Variants in ADK observed in about 807,000 individuals in gnomAD.
ADK encodes the protein adenosine kinase.
ADK carries 24 observed loss-of-function variants against 44.7 expected under a neutral mutation model. The observed-to-expected ratio is 0.54, with a 90% confidence interval of 0.39 to 0.76. ADK has a LOEUF of 0.76. ADK is among the 30% of genes least tolerant of loss of function. The probability of loss-of-function intolerance (pLI) is 0.00; values close to 1 mark genes in which losing one functional copy is unlikely to be tolerated. For synonymous variants in ADK, 128 were observed against 142.6 expected (o/e 0.90, Z 0.73); for missense variants, 321 against 425.1 (o/e 0.76, Z 2.15).
chr10:74,265,683 A>G (rs1463678297), intron 3 of ADK, among the ~76,000 whole-genome samples: 1 of 152,238 alleles, frequency 6.6e-6, no homozygotes, highest in African/African-American at 2.4e-5. Context: ...CTTAAAATCT[A>G]ATTTTCACTT....
chr10:74,257,005 A>C (rs1845849067), intron 3 of ADK, among the ~76,000 whole-genome samples: 1 of 152,210 alleles, frequency 6.6e-6, no homozygotes, highest in African/African-American at 2.4e-5. Context: ...TGCAACTAAG[A>C]GTCATTTTGA....
At chr10:74,215,650 T>G (rs1564597809) in intron 2 of ADK, among the ~76,000 whole-genome samples, 1 of 147,064 alleles carries the variant, frequency 6.8e-6, no homozygotes, top group African/African-American at 2.5e-5. Context: ...CTTTATATAA[T>G]ACTGATAAAT....
intron 2 of ADK, among the ~76,000 whole-genome samples, chr10:74,209,858 T>C (rs559459797): frequency 2.8e-4 from 42 of 152,204 alleles, no homozygotes; most frequent in Non-Finnish European, 4.4e-4. Flanking sequence ...TACCTCCAGT[T>C]GAGCCCTGGT....
At chr10:74,323,128 A>G (rs1840875544) in intron 4 of ADK, among the ~76,000 whole-genome samples, 1 of 152,338 alleles carries the variant, frequency 6.6e-6, no homozygotes, top group South Asian at 2.1e-4. Flanking sequence ...AAGAAATACT[A>G]CAAGCAGTGG....
chr10:74,494,319 A>G (rs1268327383), intron 6 of ADK, among the ~76,000 whole-genome samples: 2 of 152,118 alleles, frequency 1.3e-5, no homozygotes, highest in Non-Finnish European at 2.9e-5. Flanking sequence ...TGTCTCTCTT[A>G]TATACATACA....
At chr10:74,654,639 C>T (rs1369264606) in intron 9 of ADK, among the ~76,000 whole-genome samples, 1 of 152,154 alleles carries the variant, frequency 6.6e-6, no homozygotes, top group Admixed American at 6.5e-5. Context: ...GGGGAAACCC[C>T]CGTCTCTACT....
intron 9 of ADK, among the ~76,000 whole-genome samples, chr10:74,609,840 A>T (rs1239152264): frequency 1.3e-5 from 2 of 152,188 alleles, no homozygotes; most frequent in African/African-American, 4.8e-5. Context: ...GTCTTATTTT[A>T]TAAATTTAAT....
At chr10:74,505,561 T>C (rs1848039691) in intron 6 of ADK, among the ~76,000 whole-genome samples, 1 of 150,438 alleles carries the variant, frequency 6.6e-6, no homozygotes, top group Admixed American at 6.6e-5. Context: ...TCTTTTATGA[T>C]ATCCTTGATT....
At chr10:74,353,811 T>C (rs964228665) in intron 4 of ADK, among the ~76,000 whole-genome samples, 1 of 152,128 alleles carries the variant, frequency 6.6e-6, no homozygotes, top group Non-Finnish European at 1.5e-5. Flanking sequence ...GAGCTTGCAG[T>C]GAGCTGAGAT....
At chr10:74,607,097 C>T (rs1251837731) in intron 9 of ADK, among the ~76,000 whole-genome samples, 4 of 152,076 alleles carry the variant, frequency 2.6e-5, no homozygotes, top group Non-Finnish European at 4.4e-5. Flanking sequence ...AATATTCCTC[C>T]ATCCCTTTAT....
chr10:74,254,277 C>T (rs1332487307), intron 3 of ADK, among the ~76,000 whole-genome samples: 2 of 152,024 alleles, frequency 1.3e-5, no homozygotes, highest in East Asian at 1.9e-4. Context: ...CATTTGTTAG[C>T]CTTTTAAAGT....
chr10:74,396,813 G>A (rs886682728), intron 5 of ADK, among the ~76,000 whole-genome samples: 2 of 151,942 alleles, frequency 1.3e-5, no homozygotes, highest in African/African-American at 4.8e-5. Flanking sequence ...AAAATTAGCC[G>A]AGCATCATGG....
chr10:74,683,583 T>A (rs1367872409), intron 10 of ADK, among the ~76,000 whole-genome samples: 1 of 152,062 alleles, frequency 6.6e-6, no homozygotes, highest in Non-Finnish European at 1.5e-5. Flanking sequence ...AAAATATGTC[T>A]CTAAATATGA....
At chr10:74,484,440 TTTATTTTTA>T (rs1366898978) in intron 6 of ADK, among the ~76,000 whole-genome samples, 1 of 152,170 alleles carries the variant, frequency 6.6e-6, no homozygotes, top group South Asian at 2.1e-4. Flanking sequence ...GTTTACATTT[TTTATTTTTA>T]TTATTTTTAT....
intron 7 of ADK, among the ~76,000 whole-genome samples, chr10:74,569,303 T>G (rs1248725151): frequency 2.0e-5 from 3 of 152,172 alleles, no homozygotes; most frequent in African/African-American, 4.8e-5. Context: ...GTAGTGGGAT[T>G]GCTGGGTCAA....
intron 7 of ADK, among the ~76,000 whole-genome samples, chr10:74,533,620 A>G (rs1489559206): frequency 1.3e-5 from 2 of 152,242 alleles, no homozygotes; most frequent in African/African-American, 4.8e-5. Flanking sequence ...CTGCACGGCT[A>G]TTAGAATGTC....
At position 74,600,454 on chromosome 10, in the gene ADK, A is replaced by T. The variant is rs1385932083; in HGVS notation, c.838A>T (p.Ile280Phe). ...GAACTCAAAGAGGCAGCGAATCGTGATCTTCACCCAAGGGAGAGATGACAC... is the reference window on the plus strand; with the variant it reads ...GAACTCAAAGAGGCAGCGAATCGTGTTCTTCACCCAAGGGAGAGATGACAC... The part of the protein sequence containing the change: ...KMNSKRQRIV[I>F]FTQGRDDTIM... Residue 280 changes from isoleucine to phenylalanine, a missense_variant, in exon 9 of 11, where the codon ATC (isoleucine) becomes TTC (phenylalanine). Coordinates refer to ENST00000539909, the MANE Select transcript of ADK (RefSeq NM_006721.4). The T allele has an allele frequency of 1.2e-6, 2 of 1,611,534 alleles. No homozygotes were observed. Among genetic ancestry groups the T allele is most frequent in the Non-Finnish European group, 1.7e-6 (2 of 1,178,604 alleles).
chr10:74,477,689 A>G (rs937213843), intron 6 of ADK, among the ~76,000 whole-genome samples: 2 of 152,098 alleles, frequency 1.3e-5, no homozygotes, highest in Admixed American at 6.6e-5. Flanking sequence ...TCTTACCCTC[A>G]TAGTCTCACA....
chr10:74,544,203 C>T (rs528588380), intron 7 of ADK, among the ~76,000 whole-genome samples: 1 of 152,210 alleles, frequency 6.6e-6, no homozygotes, highest in South Asian at 2.1e-4. Flanking sequence ...CAGTGACTTT[C>T]ATTCTTCACT....
Sources: allele counts gnomAD v4.1 joint callset (sites outside exome capture counted in the v4.1 genomes callset), GRCh38; gene constraint gnomAD v4.1.1; transcripts MANE v1.5; gene names NCBI Gene and HGNC (gene_info 2026-07-23, HGNC 2026-07-21).